The following GBA2 variants were observed in gnomAD, a reference collection of about 807,000 sequenced individuals.
The protein encoded by GBA2 is glucosylceramidase beta 2, also known as non-lysosomal glucosylceramidase.
A neutral mutation model predicts 112.9 loss-of-function variants in GBA2; 79 were observed. That is an observed-to-expected ratio of 0.70 (90% confidence interval 0.58 to 0.84). The LOEUF is 0.84. GBA2 is among the 40% of genes least tolerant of loss of function. GBA2 has a pLI of 0.00. For missense variants in GBA2, 1,043 were observed against 1,190.0 expected (o/e 0.88, Z 1.82); for synonymous variants, 403 against 434.3 (o/e 0.93, Z 0.90).
At chr9:35,739,134 G>A (rs1182322030) in intron 10 of GBA2, 25 bp from the exon 11 acceptor site, 1 of 1,487,708 alleles carries the variant, frequency 6.7e-7, no homozygotes, top group Non-Finnish European at 9.3e-7. Context: ...CAGAAGGGAG[G>A]CAGGGAATGG....
In GBA2 at chr9:35,739,070, T is replaced by A. The variant is rs773074625; in HGVS notation, c.1727A>T (p.Tyr576Phe). 95 of 1,613,010 alleles carry A rather than the reference T, an allele frequency of 5.9e-5. No homozygotes were observed. Among genetic ancestry groups the A allele is most frequent in the Non-Finnish European group, 7.8e-5 (92 of 1,179,636 alleles). ...TLREDLTRRR[Y>F]LMSGVMAPVK... ...AGGTGCCATCACCCCACTCATCAGGTACCGTCGCCGTGTCAGGTCCTCCCT... is the reference window on the plus strand; with the variant it reads ...AGGTGCCATCACCCCACTCATCAGGAACCGTCGCCGTGTCAGGTCCTCCCT... Residue 576 changes from tyrosine (Y) to phenylalanine (F), a missense_variant, in exon 11 of 17, where the codon TAC (tyrosine) becomes TTC (phenylalanine). Coordinates refer to ENST00000378103, the MANE Select transcript of GBA2 (RefSeq NM_020944.3).
chr9:35,738,421 C>T, intron 13 of GBA2, 47 bp from the exon 14 acceptor site: 1 of 1,605,102 alleles, frequency 6.2e-7, no homozygotes, highest in South Asian at 1.1e-5. Context: ...GCTCCAGCTG[C>T]TCCCATGCCG....
In GBA2 at chr9:35,741,928, A is replaced by C. The variant is rs776718798; in HGVS notation, c.568-38T>G. On this transcript the variant is annotated intron_variant, in intron 3 of 16. Coordinates refer to ENST00000378103, the MANE Select transcript of GBA2 (RefSeq NM_020944.3). The surrounding 1 kb of genome is among the most constrained non-coding windows in gnomAD (Gnocchi z 4.6). ...GATAGGCTGGAACGGGGTAAACCAC[A>C]GGGACCACAGACTAAGTCTTCCCTC... 2.9e-6 allele frequency: 4 copies of C among 1,382,034 alleles called. No individual in the cohort carries two copies. Among genetic ancestry groups the C allele is most frequent in the Non-Finnish European group, 3.1e-6 (3 of 972,208 alleles). The allele number at this position is 1,382,034 out of a possible 1,614,324, so 85.6% of individuals were successfully genotyped here.
Position 35,737,432 on chromosome 9 carries a change from C to T in GBA2, c.2521G>A (p.Gly841Ser). ...TAGCAGCCTTCAGCTGTCTGGAAGC[C>T]CTCCCAAGTCAGGCCCTGTTGGGAG... is the stretch of plus-strand genomic sequence containing the variant. ...TMIQEGLTWE[G>S]FQTAEGCYRT... Residue 841 changes from glycine to serine, a missense_variant, in exon 17 of 17, where the codon GGC becomes AGC. Transcript: ENST00000378103. This position sits in a 1 kb window ranked among gnomAD's most constrained non-coding sequence, Gnocchi z 4.1. 6.2e-7 allele frequency: 1 copy of T among 1,613,908 alleles called. No homozygotes were observed. The highest frequency in any genetic ancestry group is 8.5e-7 in the Non-Finnish European group (1 of 1,179,878).
At chr9:35,743,052 T>C (rs1322943785) in intron 3 of GBA2, among the ~76,000 whole-genome samples, 1 of 152,236 alleles carries the variant, frequency 6.6e-6, no homozygotes, top group Non-Finnish European at 1.5e-5. Flanking sequence ...TTAAAGTATA[T>C]AGGAGGATGT....
At position 35,737,573 on chromosome 9, in the gene GBA2, A is replaced by G. The variant is rs184797385; in HGVS notation, c.2506-126T>C. The G allele has an allele frequency of 1.1e-4, 169 of 1,557,376 alleles. No homozygotes were observed. In the East Asian group the frequency reaches 2.5e-3, roughly 23 times the overall value. Reference sequence around the variant, plus strand: ...CTCCCAGCAAGTGGAGGAGATAACTATGACCCACAGACAGAAGCCTGAAGG... The same window carrying G: ...CTCCCAGCAAGTGGAGGAGATAACTGTGACCCACAGACAGAAGCCTGAAGG... On this transcript the variant is annotated intron_variant, in intron 16 of 16. Transcript: ENST00000378103. The surrounding 1 kb of genome is among the most constrained non-coding windows in gnomAD (Gnocchi z 4.1).
In GBA2 at chr9:35,748,417, C is replaced by T; in HGVS notation, c.288G>A (p.Glu96=). 6.2e-7 allele frequency: 1 copy of T among 1,614,202 alleles called. No individual in the cohort carries two copies. The highest frequency in any genetic ancestry group is 2.2e-5 in the East Asian group (1 of 44,886). ...TGTTAGCTTGAAAGGGTTTCCTCTT[C>T]TCTGTAAACTCATGAGCCAGACAGA... ...WRICLAHEFT[E]KRKPFQANNV... The change falls in exon 1 of 17, where the codon GAG becomes GAA. Residue 96 remains glutamate (E), a synonymous_variant. Coordinates refer to ENST00000378103, the MANE Select transcript of GBA2 (RefSeq NM_020944.3).
Position 35,738,576 on chromosome 9 carries a change from A to G in GBA2, c.2004T>C (p.Asn668=). Residue 668 remains asparagine (N), a synonymous_variant, in exon 13 of 17, where the codon AAT becomes AAC. Transcript: ENST00000378103. ...CATAGGTCTGGTCTGCATAGCCTCC[A>G]TTTTCAATGAGTCCATCATGGTCCT... ...FDKDHDGLIE[N]GGYADQTYDG... is the part of the protein sequence containing the mutation. The G allele has an allele frequency of 1.9e-6, 3 of 1,614,004 alleles. No individual in the cohort carries two copies. Among genetic ancestry groups the G allele is most frequent in the Non-Finnish European group, 2.5e-6 (3 of 1,179,902 alleles).
rs539236531 is a variant in GBA2, at chr9:35,741,721, A to G, written c.737T>C (p.Val246Ala). Reference protein sequence around the residue: ...WTVYQLPGQNVTLTCRQITPI... With the variant: ...WTVYQLPGQNATLTCRQITPI... ...TGTGATCTGACGGCAGGTGAGGGTG[A>G]CATTCTGGCCAGGAAGCTGATAGAC... Residue 246 changes from valine (V) to alanine (A), a missense_variant, in exon 4 of 17, where the codon GTC (valine) becomes GCC (alanine). Transcript: ENST00000378103. This position sits in a 1 kb window ranked among gnomAD's most constrained non-coding sequence, Gnocchi z 4.6. The G allele has an allele frequency of 6.2e-7, 1 of 1,614,046 alleles. No individual in the cohort carries two copies. Among genetic ancestry groups the G allele is most frequent in the African/African-American group, 1.3e-5 (1 of 75,016 alleles).
At position 35,748,602 on chromosome 9, in the gene GBA2, C is replaced by A. The variant is rs1439927550; in HGVS notation, c.103G>T (p.Gly35Cys). The A allele has an allele frequency of 6.2e-7, 1 of 1,613,854 alleles. No individual in the cohort carries two copies. Among genetic ancestry groups the A allele is most frequent in the South Asian group, 1.1e-5 (1 of 91,076 alleles). Residue 35 changes from glycine to cysteine, a missense_variant, in exon 1 of 17, where the codon GGC becomes TGC. Transcript: ENST00000378103. ...DPQVYCPEET[G>C]GTKDVQVTDC... ...GTAACCTGCACATCCTTGGTGCCGC[C>A]AGTCTCTTCAGGGCAATAAACTTGT...
In GBA2 at chr9:35,738,882, A is replaced by G; in HGVS notation, c.1817T>C (p.Val606Ala). 1 of 1,614,140 alleles carries G rather than the reference A, an allele frequency of 6.2e-7. No individual in the cohort carries two copies. Among genetic ancestry groups the G allele is most frequent in the Non-Finnish European group, 8.5e-7 (1 of 1,179,972 alleles). ...GDPDDEPWLR[V>A]NAYLIHDTAD... ...AGTATCATGGATTAAATATGCATTG[A>G]CGCGGAGCCATGGTTCATCATCTGT... The change falls in exon 12 of 17, where the codon GTC (valine) becomes GCC (alanine). Residue 606 changes from valine (V) to alanine (A), a missense_variant. Val to Ala is a moderately conservative substitution (Grantham distance 64, BLOSUM62 0). Transcript: ENST00000378103.
chr9:35,747,371 A>C (rs1827022150), intron 1 of GBA2, among the ~76,000 whole-genome samples: 1 of 152,150 alleles, frequency 6.6e-6, no homozygotes, highest in South Asian at 2.1e-4. Flanking sequence ...TTCCAGAAGC[A>C]GCCTGGAGGG....
At chr9:35,744,564 A>C in intron 2 of GBA2, 51 bp downstream of exon 2, 1 of 1,186,608 alleles carries the variant, frequency 8.4e-7, no homozygotes, top group Non-Finnish European at 1.3e-6. Flanking sequence ...ACTGTGGTAG[A>C]CCTGGAGGCT....
intron 2 of GBA2, 22 bp from the exon 3 acceptor site, chr9:35,744,434 G>T: frequency 7.2e-7 from 1 of 1,387,270 alleles, no homozygotes; most frequent in Non-Finnish European, 1.0e-6. Flanking sequence ...AGGGTGGTTA[G>T]TGGGGTATTG....
Position 35,741,187 on chromosome 9 carries a change from G to T in GBA2, c.787-123C>A. 9.5e-7 allele frequency: 1 copy of T among 1,051,768 alleles called. No homozygotes were observed. The highest frequency in any genetic ancestry group is 1.4e-6 in the Non-Finnish European group (1 of 727,966). 65.2% of individuals were successfully genotyped at this position (1,051,768 alleles called of 1,614,324 possible). On this transcript the variant is annotated intron_variant, in intron 4 of 16. Transcript: ENST00000378103. This position sits in a 1 kb window ranked among gnomAD's most constrained non-coding sequence, Gnocchi z 4.6. The stretch of plus-strand genomic sequence containing the variant: ...ATACTCCCCAGTGTACTCTTCTTTT[G>T]TCCACTTGCATCTCCCCATATTCCC...
At position 35,740,564 on chromosome 9, in the gene GBA2, T is replaced by C. The variant is rs557256643; in HGVS notation, c.1091A>G (p.Gln364Arg). 6.2e-7 allele frequency: 1 copy of C among 1,613,956 alleles called. No homozygotes were observed. Among genetic ancestry groups the C allele is most frequent in the Admixed American group, 1.7e-5 (1 of 60,006 alleles). ...CAGCTGTCCATCCTGAAGTAGATCCTGCCACACCTGCTGCCCCGTGCTGTC... is the reference window on the plus strand; with the variant it reads ...CAGCTGTCCATCCTGAAGTAGATCCCGCCACACCTGCTGCCCCGTGCTGTC... ...DPDSTGQQVW[Q>R]DLLQDGQLDS... Residue 364 changes from glutamine to arginine, a missense_variant, in exon 6 of 17, where the codon CAG becomes CGG. Gln to Arg is a conservative substitution (Grantham distance 43, BLOSUM62 1). Transcript: ENST00000378103. The surrounding 1 kb of genome is among the most constrained non-coding windows in gnomAD (Gnocchi z 4.7).
chr9:35,737,487 C>A lies in GBA2; in HGVS notation c.2506-40G>T. On this transcript the variant is annotated intron_variant, in intron 16 of 16. Transcript: ENST00000378103. The surrounding 1 kb of genome is among the most constrained non-coding windows in gnomAD (Gnocchi z 4.1). ...GACAGTCATACATACTAACTTGGCA[C>A]CCTCTGAAGAGCCACTTCCACTGGA... The A allele has an allele frequency of 6.2e-7, 1 of 1,600,460 alleles. No homozygotes were observed. Among genetic ancestry groups the A allele is most frequent in the Non-Finnish European group, 8.5e-7 (1 of 1,173,242 alleles).
chr9:35,742,612 A>T (rs1431487318), intron 3 of GBA2, among the ~76,000 whole-genome samples: 1 of 152,106 alleles, frequency 6.6e-6, no homozygotes, highest in Non-Finnish European at 1.5e-5. Flanking sequence ...GGGTAGGGAC[A>T]TTTTTTAATT....
In GBA2 at chr9:35,740,979, A is replaced by T; in HGVS notation, c.872T>A (p.Met291Lys). 1 of 1,614,046 alleles carries T rather than the reference A, an allele frequency of 6.2e-7. No homozygotes were observed. Among genetic ancestry groups the T allele is most frequent in the Non-Finnish European group, 8.5e-7 (1 of 1,179,914 alleles). ...EALDVSIMFS[M>K]RNGLGGGDDA... is the part of the protein sequence containing the mutation. ...GTCTCCACCACCCAGTCCATTCCGC[A>T]TGGAGAACATGATGGACACATCTAG... Residue 291 changes from methionine to lysine, a missense_variant, in exon 5 of 17, where the codon ATG (methionine) becomes AAG (lysine). Transcript: ENST00000378103. This position sits in a 1 kb window ranked among gnomAD's most constrained non-coding sequence, Gnocchi z 4.7.
Sources: allele counts gnomAD v4.1 joint callset (sites outside exome capture counted in the v4.1 genomes callset), GRCh38; gene constraint gnomAD v4.1.1; non-coding constraint Gnocchi (gnomAD v3.1); transcripts MANE v1.5; gene names NCBI Gene and HGNC (gene_info 2026-07-23, HGNC 2026-07-21).